The following CNTN1 variants were observed in gnomAD, a reference collection of about 807,000 sequenced individuals.
CNTN1 encodes the protein contactin-1.
Under a neutral mutation model 126.4 loss-of-function variants are expected in CNTN1, and 38 were observed. The ratio of observed to expected loss-of-function variants is 0.30; its 90% CI spans 0.23 to 0.39. The LOEUF is 0.39. CNTN1 is among the 10% of genes least tolerant of loss of function. CNTN1 has a pLI of 1.00. For missense variants in CNTN1, 1,009 were observed against 1,248.4 expected (o/e 0.81, Z 2.89); for synonymous variants, 413 against 422.6 (o/e 0.98, Z 0.28).
chr12:40,916,064 C>T (rs996094539), intron 3 of CNTN1, among the ~76,000 whole-genome samples: 1 of 152,038 alleles, frequency 6.6e-6, no homozygotes, highest in Non-Finnish European at 1.5e-5. Flanking sequence ...CTTAGAAGAT[C>T]TTTATGAACT....
chr12:41,004,591 G>A (rs1486250558), intron 17 of CNTN1, among the ~76,000 whole-genome samples: 2 of 152,138 alleles, frequency 1.3e-5, no homozygotes, highest in African/African-American at 4.8e-5. Context: ...AGCTCTCTAA[G>A]AATTTGCTTT....
chr12:40,813,480 C>T (rs1161089719), intron 1 of CNTN1, among the ~76,000 whole-genome samples: 1 of 151,672 alleles, frequency 6.6e-6, no homozygotes, highest in African/African-American at 2.4e-5. Context: ...TTGGTGAGAT[C>T]GATGCCTTCC....
At chr12:40,970,628 A>G (rs1947475708) in intron 15 of CNTN1, among the ~76,000 whole-genome samples, 1 of 152,170 alleles carries the variant, frequency 6.6e-6, no homozygotes, top group African/African-American at 2.4e-5. Context: ...CTATAACAAT[A>G]TTGCTGTATT....
chr12:41,022,079 T>G (rs1433792701), intron 20 of CNTN1, among the ~76,000 whole-genome samples: 2 of 152,150 alleles, frequency 1.3e-5, no homozygotes, highest in African/African-American at 4.8e-5. Flanking sequence ...AAATTATATA[T>G]TATCTTTGTT....
At chr12:40,712,855 G>A (rs1338064302) in intron 1 of CNTN1, among the ~76,000 whole-genome samples, 1 of 152,024 alleles carries the variant, frequency 6.6e-6, no homozygotes, top group East Asian at 1.9e-4. Context: ...TGTTGGTGGT[G>A]TAGCCTAATG....
At chr12:40,763,423 T>G (rs1173501573) in intron 1 of CNTN1, among the ~76,000 whole-genome samples, 2 of 152,180 alleles carry the variant, frequency 1.3e-5, no homozygotes, top group Admixed American at 1.3e-4. Context: ...ATTTATTAAG[T>G]AAATTTAGTA....
chr12:40,846,531 C>T (rs890249108), intron 1 of CNTN1, among the ~76,000 whole-genome samples: 6 of 152,134 alleles, frequency 3.9e-5, no homozygotes, highest in Admixed American at 1.3e-4. Context: ...TCCCATGTGT[C>T]GTCACTCCAC....
rs567438758 is a variant in CNTN1, at chr12:40,995,234, T to C, written c.2113+1965T>C. On this transcript the variant is annotated intron_variant, in intron 17 of 23. Transcript: ENST00000551295. ...AGACATTAGAACTCATAACTATATT[T>C]AGAAGTTAGGCCAAGGAACTGAGGT... 1.7e-4 allele frequency among the ~76,000 whole-genome samples: 26 copies of C among 152,220 alleles called. No homozygotes were observed. The South Asian group carries it at 5.2e-3, about 30-fold the overall frequency.
intron 12 of CNTN1, 97 bp from the exon 13 acceptor site, chr12:40,943,500 T>A (rs1946330350): frequency 2.2e-6 from 2 of 915,458 alleles, no homozygotes; most frequent in East Asian, 5.3e-5. Context: ...TTATATAGAA[T>A]GTAATAATTG....
At chr12:40,842,104 T>G (rs185781682) in intron 1 of CNTN1, among the ~76,000 whole-genome samples, 1 of 152,040 alleles carries the variant, frequency 6.6e-6, no homozygotes, top group Admixed American at 6.5e-5. Flanking sequence ...GTTAAAAAGG[T>G]CACTTTGCTT....
At chr12:40,773,913 C>T (rs540764566) in intron 1 of CNTN1, among the ~76,000 whole-genome samples, 8 of 151,212 alleles carry the variant, frequency 5.3e-5, no homozygotes, top group Admixed American at 1.3e-4. Context: ...GATATGATCT[C>T]GTCAAATGCA....
At chr12:40,753,091 G>A (rs1938465660) in intron 1 of CNTN1, among the ~76,000 whole-genome samples, 1 of 151,952 alleles carries the variant, frequency 6.6e-6, no homozygotes, top group Admixed American at 6.6e-5. Flanking sequence ...ATCCTGCCAT[G>A]TTAATTTTAC....
intron 1 of CNTN1, among the ~76,000 whole-genome samples, chr12:40,880,265 T>C (rs994636399): frequency 2.6e-5 from 4 of 152,072 alleles, no homozygotes; most frequent in Admixed American, 2.6e-4. Context: ...ATTTTAGAGA[T>C]CCAAAGATTA....
chr12:40,823,501 A>G (rs1347199393), intron 1 of CNTN1, among the ~76,000 whole-genome samples: 1 of 152,238 alleles, frequency 6.6e-6, no homozygotes, highest in Admixed American at 6.5e-5. Context: ...TCAGTTTAGT[A>G]AAGTACTAAA....
rs577344025 is a variant in CNTN1, at chr12:41,043,528, G to A, written c.2980+14309G>A. On this transcript the variant is annotated intron_variant, in intron 23 of 23. Transcript: ENST00000551295. ...GTGCTGGAGAGGATATGGAGAAATA[G>A]GAACACTTTTACACTGTTGGTGGGA... is the stretch of plus-strand genomic sequence containing the variant. 9.5e-3 allele frequency among the ~76,000 whole-genome samples: 1,450 copies of A among 152,216 alleles called. 13 individuals carry two copies. The highest frequency in any genetic ancestry group is 0.016 in the Non-Finnish European group (1,083 of 67,998).
chr12:40,694,906 C>T (rs777536676), intron 1 of CNTN1, among the ~76,000 whole-genome samples: 15 of 152,216 alleles, frequency 9.9e-5, no homozygotes, highest in Non-Finnish European at 1.6e-4. Flanking sequence ...GGGATGGGCG[C>T]ATAGTGGGTC....
At chr12:40,948,083 G>A (rs977367147) in intron 14 of CNTN1, among the ~76,000 whole-genome samples, 8 of 151,532 alleles carry the variant, frequency 5.3e-5, no homozygotes, top group African/African-American at 1.7e-4. Context: ...TTACTTCACT[G>A]GGTTTGAAAA....
At chr12:40,692,928 G>C (rs1941339483) in intron 1 of CNTN1, among the ~76,000 whole-genome samples, 1 of 152,314 alleles carries the variant, frequency 6.6e-6, no homozygotes, top group Admixed American at 6.5e-5. Flanking sequence ...ATGCCATATC[G>C]CCTCGGCAGG....
At chr12:40,903,250 G>T (rs547425032) in intron 1 of CNTN1, among the ~76,000 whole-genome samples, 1 of 152,192 alleles carries the variant, frequency 6.6e-6, no homozygotes, top group East Asian at 1.9e-4. Context: ...AGGCTGACAC[G>T]TTCAGGGAGC....
Sources: allele counts gnomAD v4.1 joint callset (sites outside exome capture counted in the v4.1 genomes callset), GRCh38; gene constraint gnomAD v4.1.1; transcripts MANE v1.5; gene names NCBI Gene and HGNC (gene_info 2026-07-23, HGNC 2026-07-21).